Variants in TMEM117 observed in about 807,000 individuals in gnomAD.
The protein encoded by TMEM117 is transmembrane protein 117.
In TMEM117, 27 loss-of-function variants were observed where a neutral mutation model predicts 52.4. The ratio of observed to expected loss-of-function variants is 0.51; its 90% CI spans 0.38 to 0.71. TMEM117 has a LOEUF of 0.71. TMEM117 is among the 30% of genes least tolerant of loss of function. TMEM117 has a pLI of 0.00. For synonymous variants in TMEM117, 215 were observed against 206.3 expected (o/e 1.04, Z -0.36); for missense variants, 556 against 630.5 (o/e 0.88, Z 1.26).
At chr12:44,237,311 G>A (rs761202081) in intron 5 of TMEM117, among the ~76,000 whole-genome samples, 10 of 151,942 alleles carry the variant, frequency 6.6e-5, no homozygotes, top group Middle Eastern at 3.4e-3. Flanking sequence ...GACGTTGTTC[G>A]AATAGGTTTT....
chr12:43,975,850 C>T (rs1238064746), intron 3 of TMEM117, among the ~76,000 whole-genome samples: 1 of 152,144 alleles, frequency 6.6e-6, no homozygotes, highest in Non-Finnish European at 1.5e-5. Flanking sequence ...AAGCAGAAAG[C>T]ATTATGGCTT....
chr12:43,898,812 G>A (rs758611527), intron 2 of TMEM117, among the ~76,000 whole-genome samples: 2 of 152,140 alleles, frequency 1.3e-5, no homozygotes, highest in Non-Finnish European at 1.5e-5. Context: ...CAACAGAACC[G>A]GAGAGTCTAA....
chr12:44,136,600 T>C (rs537815364), intron 3 of TMEM117, among the ~76,000 whole-genome samples: 1 of 152,290 alleles, frequency 6.6e-6, no homozygotes, highest in South Asian at 2.1e-4. Flanking sequence ...AAATGTGTTT[T>C]ACTGTGTAGC....
chr12:44,146,447 C>T (rs1948643312), intron 4 of TMEM117, among the ~76,000 whole-genome samples: 1 of 152,188 alleles, frequency 6.6e-6, no homozygotes. Context: ...TGGGGCCTTT[C>T]TGTAAGCTGG....
At position 44,255,207 on chromosome 12, in the gene TMEM117, A is replaced by G. The variant is rs185405784; in HGVS notation, c.608+43820A>G. Among the ~76,000 whole-genome samples, 232 of 152,240 alleles carry G rather than the reference A, an allele frequency of 1.5e-3. 2 individuals carry two copies. The highest frequency in any genetic ancestry group is 5.3e-3 in the African/African-American group (219 of 41,552). On this transcript the variant is annotated intron_variant, in intron 5 of 7. Coordinates refer to ENST00000266534, the MANE Select transcript of TMEM117 (RefSeq NM_032256.3). ...GATGGCTGGGTGAAATGGTATTTCT[A>G]GTTCTAGATCCCTGAGGAATCACCA...
At chr12:44,153,903 TTAAAG>T (rs1209132187) in intron 4 of TMEM117, among the ~76,000 whole-genome samples, 4 of 152,028 alleles carry the variant, frequency 2.6e-5, no homozygotes, top group African/African-American at 9.7e-5. Flanking sequence ...TTTCAAGAGA[TTAAAG>T]TAATTTGAGT....
chr12:44,076,544 G>A (rs1947385504), intron 3 of TMEM117, among the ~76,000 whole-genome samples: 1 of 152,104 alleles, frequency 6.6e-6, no homozygotes, highest in South Asian at 2.1e-4. Context: ...AGCTCATGAA[G>A]TTAAAAGCTA....
chr12:43,865,673 G>T (rs1943580926), intron 2 of TMEM117, among the ~76,000 whole-genome samples: 1 of 151,108 alleles, frequency 6.6e-6, no homozygotes, highest in South Asian at 2.1e-4. Context: ...CTCCAGCCTG[G>T]GTGACAGAAC....
At chr12:43,905,599 T>C (rs560531847) in intron 2 of TMEM117, among the ~76,000 whole-genome samples, 7 of 152,326 alleles carry the variant, frequency 4.6e-5, no homozygotes, top group African/African-American at 1.7e-4. Context: ...TCTGGGCTCT[T>C]TGATCTGCAG....
At chr12:44,222,538 T>C (rs1291297178) in intron 5 of TMEM117, among the ~76,000 whole-genome samples, 1 of 152,178 alleles carries the variant, frequency 6.6e-6, no homozygotes, top group African/African-American at 2.4e-5. Context: ...CACTTCTACA[T>C]ATCACCACTC....
chr12:43,830,037 G>A, the TMEM117 span, among the ~76,000 whole-genome samples: 9 of 148,734 alleles, frequency 6.1e-5, no homozygotes, highest in Admixed American at 4.0e-4. Context: ...GCAGTGAGGC[G>A]AGATTGCGCC....
At position 43,881,138 on chromosome 12, in the gene TMEM117, A is replaced by G. The variant is rs1436739777; in HGVS notation, c.277+36210A>G. On this transcript the variant is annotated intron_variant, in intron 2 of 7. Coordinates refer to ENST00000266534, the MANE Select transcript of TMEM117 (RefSeq NM_032256.3). ...TATGGGAACTTGCAATTTTTGGTCTATTATACATGCCTATATATTTTATGT... is the reference window on the plus strand; with the variant it reads ...TATGGGAACTTGCAATTTTTGGTCTGTTATACATGCCTATATATTTTATGT... 4.6e-5 allele frequency among the ~76,000 whole-genome samples: 7 copies of G among 152,234 alleles called. No individual in the cohort carries two copies. In the East Asian group the frequency reaches 5.8e-4, roughly 13 times the overall value.
At chr12:44,023,735 A>G (rs1392899621) in intron 3 of TMEM117, among the ~76,000 whole-genome samples, 1 of 147,430 alleles carries the variant, frequency 6.8e-6, no homozygotes, top group East Asian at 2.0e-4. Flanking sequence ...GCCCTTTGTC[A>G]GATGAGTAGG....
chr12:44,018,776 G>C (rs186405159), intron 3 of TMEM117, among the ~76,000 whole-genome samples: 2 of 149,232 alleles, frequency 1.3e-5, no homozygotes, highest in African/African-American at 5.0e-5. Flanking sequence ...CTGGAGTGCA[G>C]TGGCGCAATC....
intron 2 of TMEM117, among the ~76,000 whole-genome samples, chr12:43,939,122 A>G (rs1443831116): frequency 6.6e-6 from 1 of 152,216 alleles, no homozygotes; most frequent in African/African-American, 2.4e-5. Flanking sequence ...GTTATTTGCA[A>G]CAGGAATATT....
At chr12:44,125,396 T>C (rs534839001) in intron 3 of TMEM117, among the ~76,000 whole-genome samples, 2 of 152,318 alleles carry the variant, frequency 1.3e-5, no homozygotes, top group South Asian at 2.1e-4. Context: ...CGTGAGCCAC[T>C]GCGCCCGGCC....
chr12:43,816,426 A>G, the TMEM117 span, among the ~76,000 whole-genome samples: 1 of 151,582 alleles, frequency 6.6e-6, no homozygotes, highest in Admixed American at 6.6e-5. Flanking sequence ...GACTTTACTC[A>G]CCTCCTGTCC....
chr12:44,134,677 G>A (rs1015686211), intron 3 of TMEM117, among the ~76,000 whole-genome samples: 3 of 152,070 alleles, frequency 2.0e-5, no homozygotes, highest in African/African-American at 7.2e-5. Context: ...GGCTTTTTTT[G>A]TATAGCCAAT....
intron 2 of TMEM117, among the ~76,000 whole-genome samples, chr12:43,938,929 G>A (rs1247598192): frequency 1.3e-5 from 2 of 151,986 alleles, no homozygotes; most frequent in African/African-American, 2.4e-5. Flanking sequence ...GAGCCCAGGC[G>A]GTGGAGGTTG....
Sources: gnomAD v4.1 joint callset for allele counts (sites outside exome capture counted in the v4.1 genomes callset) on GRCh38, gnomAD v4.1.1 for gene constraint, MANE v1.5 for transcripts, NCBI Gene and HGNC (gene_info 2026-07-23, HGNC 2026-07-21) for gene names.